Variants in APLP2 observed in about 807,000 individuals in gnomAD.
APLP2 encodes the protein CDEI box-binding protein.
In APLP2, 53 loss-of-function variants were observed where a neutral mutation model predicts 89.9. That is an observed-to-expected ratio of 0.59 (90% CI 0.47 to 0.74). The LOEUF is 0.74. Ranked by LOEUF, APLP2 falls within the 30% of genes least tolerant of loss-of-function variation. APLP2 has a pLI of 0.00. For missense variants in APLP2, 973 were observed against 975.9 expected (o/e 1.00, Z 0.04); for synonymous variants, 372 against 348.6 (o/e 1.07, Z -0.75).
chr11:130,109,558 A>G lies in APLP2; in HGVS notation c.235A>G (p.Ser79Gly), dbSNP rs777310605. The G allele has an allele frequency of 1.2e-6, 2 of 1,613,732 alleles. No individual in the cohort carries two copies. The highest frequency in any genetic ancestry group is 1.7e-6 in the Non-Finnish European group (2 of 1,179,820). ...KWEPDPTGTK[S>G]CFETKEEVLQ... is the part of the protein sequence containing the mutation. ...GGAACCTGATCCAACAGGCACCAAG[A>G]GCTGCTTTGAAACAAAAGAAGAAGT... Residue 79 changes from serine (S) to glycine (G), a missense_variant, in exon 2 of 17, where the codon AGC becomes GGC. Physicochemically the swap from Ser to Gly is moderately conservative, Grantham distance 56 (BLOSUM62 0). Transcript: ENST00000338167.
chr11:130,094,932 T>C (rs1450770340), intron 1 of APLP2, among the ~76,000 whole-genome samples: 1 of 152,224 alleles, frequency 6.6e-6, no homozygotes, highest in Non-Finnish European at 1.5e-5. Flanking sequence ...GGTCAGCTAG[T>C]GTGTCTGACT....
rs115288155 is a variant in APLP2, at chr11:130,130,599, C to T, written c.1584+433C>T. 2.4e-3 allele frequency among the ~76,000 whole-genome samples: 363 copies of T among 152,184 alleles called. 2 individuals carry two copies. Among genetic ancestry groups the T allele is most frequent in the African/African-American group, 8.4e-3 (347 of 41,510 alleles). ...CATCTACAGAGGTTTGTTTCTGGTT[C>T]CTACTTCTAATATTGGTGTTGTTCA... On this transcript the variant is annotated intron_variant, in intron 11 of 16. Coordinates refer to ENST00000338167, the MANE Select transcript of APLP2 (RefSeq NM_001142276.2).
rs111971331 is a variant in APLP2 at position 130,143,023 on chromosome 11, C to G, written c.2155-324C>G. On this transcript the variant is annotated intron_variant, in intron 16 of 16. Coordinates refer to ENST00000338167, the MANE Select transcript of APLP2 (RefSeq NM_001142276.2). ...CGTCTGCTTGCTAGCCTACTGCTGA[C>G]TGGCTTGCCTTGGCTGGCCCAGGTA... is the stretch of plus-strand genomic sequence containing the variant. Among the ~76,000 whole-genome samples, 385 of 152,304 alleles carry G rather than the reference C, an allele frequency of 2.5e-3. 1 individual carries two copies. The highest frequency in any genetic ancestry group is 9.0e-3 in the African/African-American group (373 of 41,570).
intron 6 of APLP2, 107 bp downstream of exon 6, chr11:130,122,620 G>A (rs1949952435): frequency 2.0e-6 from 3 of 1,528,626 alleles, no homozygotes; most frequent in Non-Finnish European, 1.8e-6. Flanking sequence ...GAAAGGTGTG[G>A]TACCTCTGCA....
intron 9 of APLP2, 149 bp downstream of exon 9, chr11:130,127,989 C>T (rs1950562538): frequency 3.0e-6 from 2 of 669,862 alleles, no homozygotes; most frequent in Non-Finnish European, 5.1e-6. Flanking sequence ...TTTTCTTTTT[C>T]ACCTCAAGTA....
Position 130,121,664 on chromosome 11 carries a change from A to C in APLP2, c.567A>C (p.Pro189=). 6.2e-7 allele frequency: 1 copy of C among 1,614,144 alleles called. No homozygotes were observed. Among genetic ancestry groups the C allele is most frequent in the Non-Finnish European group, 8.5e-7 (1 of 1,180,030 alleles). The change falls in exon 5 of 17, where the codon CCA becomes CCC. Residue 189 remains proline, a synonymous_variant. Coordinates refer to ENST00000338167, the MANE Select transcript of APLP2 (RefSeq NM_001142276.2). ...TATATAGCTACGGCATGCTGCTCCC[A>C]TGTGGGGTAGACCAGTTCCATGGCA... ...MTLYSYGMLL[P]CGVDQFHGTE...
chr11:130,105,826 C>A (rs915822645), intron 1 of APLP2, among the ~76,000 whole-genome samples: 1 of 151,940 alleles, frequency 6.6e-6, no homozygotes, highest in Non-Finnish European at 1.5e-5. Flanking sequence ...GCCTCAGCCT[C>A]CTGAGTAGCT....
At chr11:130,140,647 G>T (rs1215363749) in intron 14 of APLP2, 164 bp downstream of exon 14, 2 of 468,040 alleles carry the variant, frequency 4.3e-6, no homozygotes, top group African/African-American at 2.0e-5. Flanking sequence ...GTGGTGTTTA[G>T]CATCTGGGTA....
rs572245016 is a variant in APLP2 at position 130,108,235 on chromosome 11, A to C, written c.106-1194A>C. Among the ~76,000 whole-genome samples, 3 of 152,356 alleles carry C rather than the reference A, an allele frequency of 2.0e-5. No homozygotes were observed. The South Asian group carries it at 6.2e-4, about 32-fold the overall frequency. ...CAAATGGGATCTAATTAAACTAAAG[A>C]GCTTCTGCACAGCAAAAGAAACTAC... is the stretch of plus-strand genomic sequence containing the variant. On this transcript the variant is annotated intron_variant, in intron 1 of 16. Transcript: ENST00000338167.
intron 3 of APLP2, among the ~76,000 whole-genome samples, chr11:130,117,848 G>A (rs1008739303): frequency 1.3e-5 from 2 of 152,162 alleles, no homozygotes; most frequent in Admixed American, 1.3e-4. Context: ...CGAGGCCGGG[G>A]TGGATCACAA....
chr11:130,129,070 C>T lies in APLP2; in HGVS notation c.1319C>T (p.Ala440Val). ...TAGCACTTCCAAGCCATGGTTAAAG[C>T]TTTAGAGAAGGAAGCAGCCAGTGAG... ...LIQHFQAMVK[A>V]LEKEAASEKQ... The change falls in exon 10 of 17, where the codon GCT becomes GTT. Residue 440 changes from alanine (A) to valine (V), a missense_variant. Coordinates refer to ENST00000338167, the MANE Select transcript of APLP2 (RefSeq NM_001142276.2). The T allele has an allele frequency of 6.2e-7, 1 of 1,614,030 alleles. No individual in the cohort carries two copies. Among genetic ancestry groups the T allele is most frequent in the Non-Finnish European group, 8.5e-7 (1 of 1,179,930 alleles).
chr11:130,075,262 G>A (rs1941912407), intron 1 of APLP2, among the ~76,000 whole-genome samples: 1 of 152,174 alleles, frequency 6.6e-6, no homozygotes, highest in Non-Finnish European at 1.5e-5. Flanking sequence ...TGATCCTCCT[G>A]CCTCAGCCTC....
chr11:130,090,247 C>CTTTTTT (rs539249012), intron 1 of APLP2, among the ~76,000 whole-genome samples: 1 of 86,090 alleles, frequency 1.2e-5, no homozygotes, highest in Non-Finnish European at 2.5e-5. Context: ...CTAGCTCTGT[C>CTTTTTT]TTTTTTTTTT....
At chr11:130,124,894 G>A (rs1406503403) in intron 7 of APLP2, among the ~76,000 whole-genome samples, 2 of 152,218 alleles carry the variant, frequency 1.3e-5, no homozygotes, top group Non-Finnish European at 2.9e-5. Context: ...GATACTTACT[G>A]CTTTGTAAAA....
chr11:130,132,619 T>TTTTA (rs1555144886), intron 11 of APLP2, among the ~76,000 whole-genome samples: 11 of 137,626 alleles, frequency 8.0e-5, no homozygotes, highest in African/African-American at 3.0e-4. Context: ...TTTTTTTTTT[T>TTTTA]AAATAATGAA....
At position 130,121,464 on chromosome 11, in the gene APLP2, AT is replaced by A. The variant is rs149690787; in HGVS notation, c.517-141del. ...TAAATCTTACAATAATATTATTACA[AT>A]TTTTTTTTGACAGAAAATGTATGTG... On this transcript the variant is annotated intron_variant, in intron 4 of 16. Coordinates refer to ENST00000338167, the MANE Select transcript of APLP2 (RefSeq NM_001142276.2). 11,128 of 986,818 alleles carry A rather than the reference AT, an allele frequency of 0.011. 596 individuals are homozygous for A. The African/African-American group carries it at 0.14, about 12-fold the overall frequency. The allele number at this position is 986,818 out of a possible 1,614,324, so 61.1% of individuals were successfully genotyped here.
chr11:130,129,204 C>T lies in APLP2; in HGVS notation c.1453C>T (p.Arg485Trp), dbSNP rs753717426. The T allele has an allele frequency of 1.7e-5, 27 of 1,612,692 alleles. No homozygotes were observed. Among genetic ancestry groups the T allele is most frequent in the South Asian group, 1.1e-4 (10 of 90,920 alleles). ...YLAALQSDPP[R>W]PHRILQALRR... ...GGCTGCCTTGCAGTCTGACCCGCCA[C>T]GGGTGAGTCCTGCCCCTAGCACTGC... The change falls in exon 10 of 17, where the codon CGG becomes TGG. Residue 485 changes from arginine (R) to tryptophan (W), a missense_variant and splice_region_variant. By Grantham distance (101) the Arg-to-Trp change is moderately radical. Transcript: ENST00000338167.
intron 13 of APLP2, among the ~76,000 whole-genome samples, chr11:130,137,676 G>T (rs193198101): frequency 5.3e-5 from 8 of 152,302 alleles, no homozygotes; most frequent in Non-Finnish European, 1.0e-4. Flanking sequence ...GTCAGGTGGA[G>T]AGTCGTTCTC....
chr11:130,091,369 G>A (rs868145164), intron 1 of APLP2, among the ~76,000 whole-genome samples: 343 of 141,162 alleles, frequency 2.4e-3, no homozygotes, highest in Non-Finnish European at 3.4e-3. Context: ...GCGGGGGGCC[G>A]ACCCCCCTAC....
Sources: allele counts gnomAD v4.1 joint callset (sites outside exome capture counted in the v4.1 genomes callset), GRCh38; gene constraint gnomAD v4.1.1; transcripts MANE v1.5; gene names NCBI Gene and HGNC (gene_info 2026-07-23, HGNC 2026-07-21).